The following ZFPM2 variants were observed in gnomAD, a reference collection of about 807,000 sequenced individuals.
The protein encoded by ZFPM2 is zinc finger protein ZFPM2.
Under a neutral mutation model 98.6 loss-of-function variants are expected in ZFPM2, and 20 were observed. The observed-to-expected ratio is 0.20, with a 90% CI of 0.14 to 0.29. ZFPM2 has a LOEUF of 0.29. ZFPM2 is among the 10% of genes least tolerant of loss of function. ZFPM2 has a pLI of 1.00. For synonymous variants in ZFPM2, 518 were observed against 502.7 expected, an observed-to-expected ratio of 1.03 and a Z score of -0.41; for missense variants, 1,310 against 1,388.6, an observed-to-expected ratio of 0.94 and a Z score of 0.90.
At chr8:105,746,654 A>ATTTTTTTTTTTTTTTTTTTTTTTTTTTT (rs1563546914) in intron 5 of ZFPM2, among the ~76,000 whole-genome samples, 1 of 112,048 alleles carries the variant, frequency 8.9e-6, no homozygotes, top group Admixed American at 9.6e-5. Flanking sequence ...TGTTTTTAAA[A>ATTTTTTTTTTTTTTTTTTTTTTTTTTTT]ATTTTTTTTT....
At chr8:105,454,353 G>A (rs928841375) in intron 3 of ZFPM2, among the ~76,000 whole-genome samples, 3 of 152,128 alleles carry the variant, frequency 2.0e-5, no homozygotes, top group Admixed American at 6.5e-5. Context: ...ATTCAGATTC[G>A]ATATGGTGGG....
chr8:105,489,456 A>ATTTATAGATATATGTT (rs1813310861), intron 3 of ZFPM2, among the ~76,000 whole-genome samples: 1 of 72,484 alleles, frequency 1.4e-5, no homozygotes, highest in African/African-American at 6.0e-5. Context: ...TTTTATATAT[A>ATTTATAGATATATGTT]TATATATATA....
intron 5 of ZFPM2, among the ~76,000 whole-genome samples, chr8:105,637,462 T>TTATG (rs1261757314): frequency 6.6e-6 from 1 of 152,128 alleles, no homozygotes; most frequent in Non-Finnish European, 1.5e-5. Context: ...TGATCTAGAA[T>TTATG]TATGCAGTAA....
intron 3 of ZFPM2, among the ~76,000 whole-genome samples, chr8:105,547,603 T>C (rs1814742477): frequency 6.6e-6 from 1 of 151,336 alleles, no homozygotes; most frequent in African/African-American, 2.4e-5. Flanking sequence ...AGCTATACTT[T>C]AAATTCGTGG....
chr8:105,700,469 T>A (rs1790271686), intron 5 of ZFPM2, among the ~76,000 whole-genome samples: 1 of 152,222 alleles, frequency 6.6e-6, no homozygotes, highest in South Asian at 2.1e-4. Flanking sequence ...ATTTGTTACA[T>A]CTTGTGACTT....
At chr8:105,347,954 C>G (rs112191458) in intron 1 of ZFPM2, among the ~76,000 whole-genome samples, 219 of 152,270 alleles carry the variant, frequency 1.4e-3, no homozygotes, top group African/African-American at 4.8e-3. Context: ...ACAGGCTATT[C>G]CAAGAAATCA....
chr8:105,594,409 T>A (rs949622657), intron 4 of ZFPM2, among the ~76,000 whole-genome samples: 7 of 152,198 alleles, frequency 4.6e-5, no homozygotes, highest in African/African-American at 1.7e-4. Flanking sequence ...AATGATTTTT[T>A]AAATTTTAAG....
At chr8:105,529,130 A>G (rs1450161) in intron 3 of ZFPM2, among the ~76,000 whole-genome samples, 101,004 of 151,976 alleles carry the variant, frequency 0.66, 35,185 homozygotes, top group African/African-American at 0.9. Context: ...CTCTCTCCCT[A>G]GCTTGTAGAT....
At chr8:105,775,403 A>G (rs1398489219) in intron 5 of ZFPM2, among the ~76,000 whole-genome samples, 2 of 152,066 alleles carry the variant, frequency 1.3e-5, no homozygotes, top group Non-Finnish European at 2.9e-5. Context: ...AGTCGTAATG[A>G]AAGTGTGGAA....
chr8:105,458,308 G>C lies in ZFPM2; in HGVS notation c.301+13927G>C, dbSNP rs145216353. Among the ~76,000 whole-genome samples, 177 of 152,068 alleles carry C rather than the reference G, an allele frequency of 1.2e-3. 1 individual carries two copies. Among genetic ancestry groups the C allele is most frequent in the Non-Finnish European group, 1.9e-3 (131 of 67,976 alleles). The stretch of plus-strand genomic sequence containing the variant: ...CATCTTAAACATACCTTTATCTTTG[G>C]GTAAATACACAAAGAATCAAAGATT... On this transcript the variant is annotated intron_variant, in intron 3 of 7. Coordinates refer to ENST00000407775, the MANE Select transcript of ZFPM2 (RefSeq NM_012082.4).
intron 4 of ZFPM2, among the ~76,000 whole-genome samples, chr8:105,607,420 G>A (rs768452419): frequency 2.0e-5 from 3 of 151,990 alleles, no homozygotes; most frequent in Admixed American, 1.3e-4. Context: ...TGCTATCTCC[G>A]ATGAACACCC....
chr8:105,737,786 A>G (rs931675488), intron 5 of ZFPM2: 1 of 152,054 alleles, frequency 6.6e-6, no homozygotes, highest in Non-Finnish European at 1.5e-5. Flanking sequence ...GTTACTGTCA[A>G]ATAAACTTGA....
At chr8:105,798,972 T>G (rs772746127) in intron 7 of ZFPM2, 24 bp downstream of exon 7, 1 of 1,594,476 alleles carries the variant, frequency 6.3e-7, no homozygotes, top group East Asian at 2.2e-5. Context: ...TTGTTTCTTC[T>G]GTTGCTCCAG....
At chr8:105,424,099 G>T (rs1202156293) in intron 2 of ZFPM2, among the ~76,000 whole-genome samples, 1 of 152,070 alleles carries the variant, frequency 6.6e-6, no homozygotes, top group African/African-American at 2.4e-5. Flanking sequence ...CACCACTGAA[G>T]AATTTATTCA....
chr8:105,379,535 C>T (rs1810800213), intron 1 of ZFPM2, among the ~76,000 whole-genome samples: 1 of 152,118 alleles, frequency 6.6e-6, no homozygotes, highest in Non-Finnish European at 1.5e-5. Context: ...GGGCGGATCA[C>T]CAGAGGTCTG....
chr8:105,491,617 A>G (rs2122444), intron 3 of ZFPM2, among the ~76,000 whole-genome samples: 34,979 of 152,120 alleles, frequency 0.23, 5,092 homozygotes, highest in Middle Eastern at 0.37. Flanking sequence ...CAGACTTCAC[A>G]AGAGCAAGAT....
rs565396957 is a variant in ZFPM2 at position 105,642,724 on chromosome 8, G to C, written c.532+8367G>C. Among the ~76,000 whole-genome samples the C allele has an allele frequency of 3.3e-5, 5 of 152,260 alleles. No homozygotes were observed. In the South Asian group the frequency reaches 1.0e-3, roughly 32 times the overall value. The stretch of plus-strand genomic sequence containing the variant: ...ACAAATGAATATGAGACACCCCCCA[G>C]CTTAAGAAGCTTATTGAAAGAGCTT... On this transcript the variant is annotated intron_variant, in intron 5 of 7. Coordinates refer to ENST00000407775, the MANE Select transcript of ZFPM2 (RefSeq NM_012082.4).
chr8:105,327,678 A>G (rs1192807927), intron 1 of ZFPM2, among the ~76,000 whole-genome samples: 2 of 151,798 alleles, frequency 1.3e-5, no homozygotes, highest in Non-Finnish European at 3.0e-5. Context: ...TTTGCATGCT[A>G]CATTAAGATT....
chr8:105,680,868 T>G (rs1234781078), intron 5 of ZFPM2, among the ~76,000 whole-genome samples: 3 of 152,148 alleles, frequency 2.0e-5, no homozygotes, highest in Non-Finnish European at 2.9e-5. Flanking sequence ...ATTTATTCGT[T>G]GAAGTTGTTT....
Sources: gnomAD v4.1 joint callset for allele counts (sites outside exome capture counted in the v4.1 genomes callset) on GRCh38, gnomAD v4.1.1 for gene constraint, MANE v1.5 for transcripts, NCBI Gene and HGNC (gene_info 2026-07-23, HGNC 2026-07-21) for gene names.